The following ASPH variants were observed in gnomAD, a reference collection of about 807,000 sequenced individuals.
ASPH encodes aspartyl/asparaginyl beta-hydroxylase.
Under a neutral mutation model 118.4 loss-of-function variants are expected in ASPH, and 100 were observed. The observed-to-expected ratio is 0.84, with a 90% CI of 0.72 to 1.00. The LOEUF (loss-of-function observed/expected upper bound fraction) is 1.00, where lower values mean the gene tolerates loss of function less well. Among genes scored for constraint, ASPH ranks in the 50% least tolerant of loss-of-function variants. The pLI is 0.00. For synonymous variants in ASPH, 315 were observed against 325.6 expected (o/e 0.97, Z 0.35); for missense variants, 920 against 919.5 (o/e 1.00, Z -0.01).
At chr8:61,615,293 T>C (rs1377539711) in intron 14 of ASPH, among the ~76,000 whole-genome samples, 1 of 152,180 alleles carries the variant, frequency 6.6e-6, no homozygotes, top group East Asian at 1.9e-4. Context: ...CTCCTGCCCT[T>C]GCCTCTTCAA....
chr8:61,676,100 A>T, intron 3 of ASPH: 1 of 1,599,394 alleles, frequency 6.3e-7, no homozygotes, highest in Non-Finnish European at 8.5e-7. Context: ...ATCCAATATG[A>T]CACAAGTCTT....
chr8:61,638,029 C>T (rs781191367), intron 11 of ASPH, 26 bp from the exon 12 acceptor site: 1 of 1,592,188 alleles, frequency 6.3e-7, no homozygotes, highest in Admixed American at 1.8e-5. Context: ...AAATCAGAAT[C>T]CATTACATGT....
At chr8:61,648,747 C>A (rs999935432) in intron 5 of ASPH, among the ~76,000 whole-genome samples, 4 of 152,310 alleles carry the variant, frequency 2.6e-5, no homozygotes, top group Admixed American at 1.3e-4. Flanking sequence ...TATATCCTCC[C>A]TGTGAAGCAG....
At chr8:61,656,557 TG>T (rs1159922947) in intron 3 of ASPH, 1 of 151,774 alleles carries the variant, frequency 6.6e-6, no homozygotes, top group Non-Finnish European at 1.5e-5. Flanking sequence ...AGGAACAGGG[TG>T]TCCACAGCCG....
intron 1 of ASPH, among the ~76,000 whole-genome samples, chr8:61,691,337 T>C (rs535997745): frequency 9.5e-4 from 144 of 152,270 alleles, no homozygotes; most frequent in African/African-American, 3.1e-3. Flanking sequence ...GTGAAGTAGG[T>C]AGACATCATG....
At chr8:61,694,933 A>G in intron 1 of ASPH, among the ~76,000 whole-genome samples, 1 of 152,206 alleles carries the variant, frequency 6.6e-6, no homozygotes, top group East Asian at 1.9e-4. Flanking sequence ...AGACAAAAAC[A>G]CCAGGATTCA....
chr8:61,518,454 G>C (rs563781105), intron 22 of ASPH, among the ~76,000 whole-genome samples: 3 of 152,044 alleles, frequency 2.0e-5, no homozygotes, highest in Non-Finnish European at 4.4e-5. Context: ...TAGGGGCTTC[G>C]ATCCTCCATG....
chr8:61,524,240 C>A (rs779701318), intron 22 of ASPH, among the ~76,000 whole-genome samples: 3 of 152,138 alleles, frequency 2.0e-5, no homozygotes, highest in Non-Finnish European at 4.4e-5. Flanking sequence ...CCATATATTA[C>A]AGTGTAGGGA....
chr8:61,587,927 C>T (rs1217326677), intron 14 of ASPH, among the ~76,000 whole-genome samples: 1 of 152,120 alleles, frequency 6.6e-6, no homozygotes, highest in Non-Finnish European at 1.5e-5. Flanking sequence ...CCCTGGCGAA[C>T]TCTCTCCAGC....
intron 1 of ASPH, among the ~76,000 whole-genome samples, chr8:61,708,580 G>C (rs1837275684): frequency 6.6e-6 from 1 of 152,146 alleles, no homozygotes; most frequent in African/African-American, 2.4e-5. Context: ...AGACAGGATA[G>C]AACAACAAAA....
intron 15 of ASPH, chr8:61,578,189 C>T (rs1271463854): frequency 1.2e-5 from 19 of 1,547,484 alleles, no homozygotes; most frequent in Admixed American, 3.8e-5. Flanking sequence ...CCGCCTGGTT[C>T]GGCCCGCCTG....
chr8:61,568,077 T>G (rs1042831632), intron 16 of ASPH, among the ~76,000 whole-genome samples: 3 of 152,000 alleles, frequency 2.0e-5, no homozygotes. Context: ...ATGGAGGCCA[T>G]GAGGTAAAGT....
intron 14 of ASPH, among the ~76,000 whole-genome samples, chr8:61,601,616 G>A (rs1220006694): frequency 6.7e-6 from 1 of 149,538 alleles, no homozygotes; most frequent in Non-Finnish European, 1.5e-5. Flanking sequence ...TGGAAGAAAG[G>A]AAATAATAAA....
intron 14 of ASPH, among the ~76,000 whole-genome samples, chr8:61,601,856 C>T (rs1413422174): frequency 6.6e-6 from 1 of 151,238 alleles, no homozygotes; most frequent in Non-Finnish European, 1.5e-5. Context: ...AATGTTATGT[C>T]AATTAACTCA....
chr8:61,525,846 T>A, intron 22 of ASPH, 131 bp downstream of exon 22: 2 of 1,278,422 alleles, frequency 1.6e-6, no homozygotes, highest in Non-Finnish European at 2.2e-6. Context: ...TTCAAAAATC[T>A]AGGTTTTTTT....
At position 61,643,276 on chromosome 8, in the gene ASPH, C is replaced by T. The variant is rs1005970893; in HGVS notation, c.757+110G>A. 117 of 1,077,474 alleles carry T rather than the reference C, an allele frequency of 1.1e-4. No homozygotes were observed. In the African/African-American group the frequency reaches 1.6e-3, roughly 15 times the overall value. 66.7% of individuals were successfully genotyped at this position (1,077,474 alleles called of 1,614,324 possible). ...AAACAAAATCTCATGCATTAGATGT[C>T]GAAATTACTTCTTTGATGCCTTTAA... On this transcript the variant is annotated intron_variant, in intron 9 of 24. Coordinates refer to ENST00000379454, the MANE Select transcript of ASPH (RefSeq NM_004318.4).
Position 61,685,145 on chromosome 8 carries a change from T to C in ASPH, c.104-957A>G, listed in dbSNP as rs1829952985. Among the ~76,000 whole-genome samples the C allele has an allele frequency of 1.3e-5, 2 of 152,106 alleles. 1 individual carries two copies. The highest frequency in any genetic ancestry group is 4.1e-4 in the South Asian group (2 of 4,822). On this transcript the variant is annotated intron_variant, in intron 1 of 24. Transcript: ENST00000379454. ...ATCCTCACGGTGTCCTGCCACTATT[T>C]CTACAGAGGGCATTTCTGGATGTTT...
intron 14 of ASPH, among the ~76,000 whole-genome samples, chr8:61,596,406 G>A (rs745994666): frequency 6.6e-6 from 1 of 152,200 alleles, no homozygotes; most frequent in Non-Finnish European, 1.5e-5. Context: ...CTGAGGACCT[G>A]CCTGCCCACT....
chr8:61,712,154 A>G (rs923841605), intron 1 of ASPH, among the ~76,000 whole-genome samples: 4 of 152,236 alleles, frequency 2.6e-5, no homozygotes, highest in Non-Finnish European at 4.4e-5. Context: ...GTATGATTTG[A>G]GCAGGAAACT....
Sources: allele counts gnomAD v4.1 joint callset (sites outside exome capture counted in the v4.1 genomes callset), GRCh38; gene constraint gnomAD v4.1.1; transcripts MANE v1.5; gene names NCBI Gene and HGNC (gene_info 2026-07-23, HGNC 2026-07-21).